The following TMEM244 variants were observed in gnomAD, a reference collection of about 807,000 sequenced individuals.
TMEM244 encodes transmembrane protein 244, also known as putative transmembrane protein 244.
A neutral mutation model predicts 15.8 loss-of-function variants in TMEM244; 13 were observed. The observed-to-expected ratio is 0.82, with a 90% CI of 0.53 to 1.30. The LOEUF is 1.30. Among genes scored for constraint, TMEM244 ranks in the 50% most tolerant of loss-of-function variants. The probability of loss-of-function intolerance (pLI) is 0.00; values close to 1 mark genes in which losing one functional copy is unlikely to be tolerated. For missense variants in TMEM244, 161 were observed against 144.9 expected (o/e 1.11, Z -0.57); for synonymous variants, 45 against 48.7 (o/e 0.92, Z 0.32).
At chr6:129,833,737 G>C in intron 3 of TMEM244, 152 bp from the exon 4 acceptor site, 1 of 739,510 alleles carries the variant, frequency 1.4e-6, no homozygotes, top group Non-Finnish European at 2.1e-6. Context: ...CTCAAATTTG[G>C]ATAAAACAAT....
chr6:129,860,027 A>C (rs919749843), intron 1 of TMEM244, among the ~76,000 whole-genome samples: 2 of 152,006 alleles, frequency 1.3e-5, no homozygotes, highest in Non-Finnish European at 2.9e-5. Context: ...CTAAGGCTCT[A>C]ATTCTACACT....
At position 129,831,342 on chromosome 6, in the gene TMEM244, C is replaced by T. The variant is rs747296594; in HGVS notation, c.364G>A (p.Gly122Ser). 4.3e-5 allele frequency: 68 copies of T among 1,573,146 alleles called. No individual in the cohort carries two copies. Among genetic ancestry groups the T allele is most frequent in the Non-Finnish European group, 5.8e-5 (66 of 1,142,062 alleles). Residue 122 changes from glycine to serine, a missense_variant, in exon 5 of 5, where the codon GGT (glycine) becomes AGT (serine). By Grantham distance (56) the Gly-to-Ser change is moderately conservative. Transcript: ENST00000368143. ...ATCTAAACAAGCAATTTTGATATAC[C>T]TAAAGCAGCCCACCAATGTGATGTC... ...PLTSHWWAAL[G>S]ISKLLV
chr6:129,855,847 G>A (rs139732582), intron 1 of TMEM244, among the ~76,000 whole-genome samples: 1 of 152,008 alleles, frequency 6.6e-6, no homozygotes, highest in Admixed American at 6.6e-5. Flanking sequence ...TTCATCGTTT[G>A]TAATTAATAA....
At chr6:129,860,104 CGTGTGTGTGTGT>C (rs757397083) in intron 1 of TMEM244, among the ~76,000 whole-genome samples, 4,574 of 140,692 alleles carry the variant, frequency 0.033, 80 homozygotes, top group Non-Finnish European at 0.04. Context: ...CTCTGCAATG[CGTGTGTGTGTGT>C]GTGTGTGTGT....
chr6:129,858,871 G>T (rs1776757490), intron 1 of TMEM244, among the ~76,000 whole-genome samples: 1 of 151,324 alleles, frequency 6.6e-6, no homozygotes, highest in African/African-American at 2.4e-5. Flanking sequence ...TCAGCTCACT[G>T]TAACCTCTGC....
chr6:129,841,157 A>G (rs1776484250), intron 3 of TMEM244, among the ~76,000 whole-genome samples: 1 of 152,206 alleles, frequency 6.6e-6, no homozygotes, highest in South Asian at 2.1e-4. Context: ...CACATAGCAA[A>G]GACTTGGAAC....
chr6:129,854,661 T>C (rs1776680644), intron 1 of TMEM244, among the ~76,000 whole-genome samples: 1 of 152,104 alleles, frequency 6.6e-6, no homozygotes, highest in Admixed American at 6.5e-5. Flanking sequence ...CTGAAAGAGG[T>C]ACAATTGTAT....
intron 1 of TMEM244, among the ~76,000 whole-genome samples, chr6:129,848,615 T>C (rs1376270673): frequency 6.6e-6 from 1 of 152,172 alleles, no homozygotes. Flanking sequence ...AGGTGTTGCC[T>C]GAGTTGAAGG....
intron 1 of TMEM244, among the ~76,000 whole-genome samples, chr6:129,847,775 C>CTTTTTTT (rs34238013): frequency 1.2e-4 from 16 of 137,468 alleles, no homozygotes; most frequent in East Asian, 4.2e-4. Context: ...TTTCTTTTTT[C>CTTTTTTT]TTTTTTTTTT....
chr6:129,854,161 T>C lies in TMEM244; in HGVS notation c.33+6995A>G, dbSNP rs1012227225. Among the ~76,000 whole-genome samples the C allele has an allele frequency of 6.6e-5, 10 of 152,330 alleles. 1 individual carries two copies. The highest frequency in any genetic ancestry group is 3.4e-3 in the Middle Eastern group (1 of 294). Reference sequence around the variant, plus strand: ...GGAGGAAGAGATGTGTCCATTTGGCTCCCTAATATATGTGTAGTGTCTGGT... The same window carrying C: ...GGAGGAAGAGATGTGTCCATTTGGCCCCCTAATATATGTGTAGTGTCTGGT... On this transcript the variant is annotated intron_variant, in intron 1 of 4. Transcript: ENST00000368143.
At position 129,857,930 on chromosome 6, in the gene TMEM244, C is replaced by T. The variant is rs140235330; in HGVS notation, c.33+3226G>A. ...TTTTAAATCAGGAGTGGTTCAGGAA[C>T]GGTTGCCAATTTTTGTCAAAGGCAG... is the stretch of plus-strand genomic sequence containing the variant. On this transcript the variant is annotated intron_variant, in intron 1 of 4. Coordinates refer to ENST00000368143, the MANE Select transcript of TMEM244 (RefSeq NM_001010876.2). 2.5e-3 allele frequency among the ~76,000 whole-genome samples: 378 copies of T among 151,504 alleles called. 3 individuals carry two copies. Among genetic ancestry groups the T allele is most frequent in the African/African-American group, 8.7e-3 (358 of 41,300 alleles).
chr6:129,834,522 C>A (rs1469756780), intron 3 of TMEM244, among the ~76,000 whole-genome samples: 2 of 152,056 alleles, frequency 1.3e-5, no homozygotes, highest in Non-Finnish European at 2.9e-5. Context: ...AAAATAATCA[C>A]CTTATGTCCT....
chr6:129,834,673 C>G (rs9483061), intron 3 of TMEM244, among the ~76,000 whole-genome samples: 56,108 of 152,008 alleles, frequency 0.37, 10,796 homozygotes, highest in South Asian at 0.5. Context: ...TAACTTAACA[C>G]GTTTCAAAAG....
chr6:129,833,423 T>C (rs763502706), intron 4 of TMEM244, 37 bp downstream of exon 4: 26 of 1,599,128 alleles, frequency 1.6e-5, no homozygotes, highest in Non-Finnish European at 2.1e-5. Context: ...TCTGTTTTAA[T>C]ACATTTTCCT....
At chr6:129,857,310 G>A (rs1776726397) in intron 1 of TMEM244, among the ~76,000 whole-genome samples, 2 of 124,980 alleles carry the variant, frequency 1.6e-5, no homozygotes, top group Admixed American at 7.9e-5. Flanking sequence ...TATTTTATAT[G>A]TGTGTATACA....
chr6:129,835,634 G>A (rs1484735444), intron 3 of TMEM244, among the ~76,000 whole-genome samples: 3 of 152,256 alleles, frequency 2.0e-5, no homozygotes, highest in Non-Finnish European at 2.9e-5. Context: ...GGGGTGGGGC[G>A]ATTTCCCTTT....
In TMEM244 at chr6:129,843,555, G is replaced by T. The variant is rs764342700; in HGVS notation, c.168C>A (p.Pro56=). The change falls in exon 3 of 5, where the codon CCC becomes CCA. Residue 56 remains proline, a synonymous_variant. Coordinates refer to ENST00000368143, the MANE Select transcript of TMEM244 (RefSeq NM_001010876.2). ...CTTTATAGTTTATGTTGAGCCATGA[G>T]GGATTTGTTTTGAAATCAAATGGAG... The part of the protein sequence containing the change: ...VLAPFDFKTN[P]SWLNINYKVL... 1.2e-6 allele frequency: 2 copies of T among 1,612,152 alleles called. No individual in the cohort carries two copies. The highest frequency in any genetic ancestry group is 1.7e-6 in the Non-Finnish European group (2 of 1,178,622).
At chr6:129,834,659 A>C (rs1022522417) in intron 3 of TMEM244, among the ~76,000 whole-genome samples, 3 of 152,210 alleles carry the variant, frequency 2.0e-5, no homozygotes, top group South Asian at 4.1e-4. Context: ...AATTCTATTT[A>C]ATTTAACTTA....
At chr6:129,837,465 A>G (rs1020940704) in intron 3 of TMEM244, among the ~76,000 whole-genome samples, 1 of 152,244 alleles carries the variant, frequency 6.6e-6, no homozygotes, top group Non-Finnish European at 1.5e-5. Context: ...AGCCACTGCA[A>G]AAACATGCCA....
Sources: gnomAD v4.1 joint callset for allele counts (sites outside exome capture counted in the v4.1 genomes callset) on GRCh38, gnomAD v4.1.1 for gene constraint, MANE v1.5 for transcripts, NCBI Gene and HGNC (gene_info 2026-07-23, HGNC 2026-07-21) for gene names.